Variants in PPARA observed in about 807,000 individuals in gnomAD.
PPARA encodes the protein peroxisome proliferator activated receptor alpha, also known as peroxisome proliferator-activated receptor alpha.
In PPARA, 22 loss-of-function variants were observed where a neutral mutation model predicts 42.2. The observed-to-expected ratio is 0.52, with a 90% CI of 0.37 to 0.74. The LOEUF is 0.74. Among genes scored for constraint, PPARA ranks in the 30% least tolerant of loss-of-function variants. PPARA has a pLI of 0.00. For missense variants in PPARA, 465 were observed against 608.2 expected, an observed-to-expected ratio of 0.76 and a Z score of 2.48; for synonymous variants, 242 against 239.3, an observed-to-expected ratio of 1.01 and a Z score of -0.10.
In PPARA at chr22:46,242,773, C is replaced by A. The variant is rs73177043; in HGVS notation, c.*7393C>A. On this transcript the variant is annotated 3_prime_UTR_variant, in exon 9 of 9. Coordinates refer to ENST00000407236, the MANE Select transcript of PPARA (RefSeq NM_005036.6). The surrounding 1 kb of genome is among the most constrained non-coding windows in gnomAD (Gnocchi z 6.1). ...CACACACACACACAGCTCTTCATTT[C>A]TCCTGAGCCATGCAGAATTTACTTT... 7,903 of 151,884 alleles carry A rather than the reference C, an allele frequency of 0.052. 270 individuals carry two copies. Among genetic ancestry groups the A allele is most frequent in the Middle Eastern group, 0.078 (23 of 296 alleles). 9.4% of individuals were successfully genotyped at this position (151,884 alleles called of 1,614,324 possible).
intron 2 of PPARA, chr22:46,164,067 A>C (rs1926649615): frequency 6.6e-6 from 1 of 151,880 alleles, no homozygotes; most frequent in Non-Finnish European, 1.5e-5. Context: ...ACTACAAAAA[A>C]AATTACCTGG....
At chr22:46,213,564 T>C (rs1934145225) in intron 4 of PPARA, among the ~76,000 whole-genome samples, 1 of 150,876 alleles carries the variant, frequency 6.6e-6, no homozygotes, top group African/African-American at 2.4e-5. Flanking sequence ...CGCACCACCA[T>C]GGCAAGCTAA....
intron 5 of PPARA, among the ~76,000 whole-genome samples, chr22:46,217,823 T>C (rs569794135): frequency 1.6e-3 from 125 of 80,594 alleles, no homozygotes; most frequent in African/African-American, 4.7e-3. Flanking sequence ...TTCTTTCTTT[T>C]TTTTTTTTTT....
rs1254522628 is a variant in PPARA, at chr22:46,150,795, G to A, written c.-210+143G>A. On this transcript the variant is annotated intron_variant, in intron 1 of 8. Transcript: ENST00000407236. This position sits in a 1 kb window ranked among gnomAD's most constrained non-coding sequence, Gnocchi z 7.5. Reference sequence around the variant, plus strand: ...GCATGCGCGGGGCCCGGGGTCTCGGGGTCTCCGGGTCCCGGGGACCCGGGG... The same window carrying A: ...GCATGCGCGGGGCCCGGGGTCTCGGAGTCTCCGGGTCCCGGGGACCCGGGG... 13 of 151,364 alleles carry A rather than the reference G, an allele frequency of 8.6e-5. No homozygotes were observed. The South Asian group carries it at 2.1e-3, about 24-fold the overall frequency. 9.4% of individuals were successfully genotyped at this position (151,364 alleles called of 1,614,324 possible). A position where few individuals can be genotyped will look rare whatever the true frequency, so the allele number is the denominator to read the frequency against.
Position 46,242,463 on chromosome 22 carries a change from A to G in PPARA, c.*7083A>G, listed in dbSNP as rs1157907218. On this transcript the variant is annotated 3_prime_UTR_variant, in exon 9 of 9. Transcript: ENST00000407236. The surrounding 1 kb of genome is among the most constrained non-coding windows in gnomAD (Gnocchi z 6.1). The stretch of plus-strand genomic sequence containing the variant: ...TCTTTTTGGTAAAGTTACAGTGTTC[A>G]TGTTAAATATCACTTTTTTCTACAT... 6.6e-6 allele frequency: 1 copy of G among 152,660 alleles called. No homozygotes were observed. The highest frequency in any genetic ancestry group is 1.5e-5 in the Non-Finnish European group (1 of 68,040). The allele number at this position is 152,660 out of a possible 1,614,324, so 9.5% of individuals were successfully genotyped here.
rs368424684 is a variant in PPARA, at chr22:46,197,135, C to T, written c.-42-1207C>T. Reference sequence around the variant, plus strand: ...CACCATCTCGGCTCACTGCAACCTCCACCTCCCAGGTTCAAGTGATTCTCC... The same window carrying T: ...CACCATCTCGGCTCACTGCAACCTCTACCTCCCAGGTTCAAGTGATTCTCC... On this transcript the variant is annotated intron_variant, in intron 3 of 8. Coordinates refer to ENST00000407236, the MANE Select transcript of PPARA (RefSeq NM_005036.6). Among the ~76,000 whole-genome samples the T allele has an allele frequency of 3.3e-5, 5 of 151,972 alleles. No individual in the cohort carries two copies. The East Asian group carries it at 7.8e-4, about 24-fold the overall frequency.
rs1308721011 is a variant in PPARA, at chr22:46,165,981, A to G, written c.-126-10772A>G. Among the ~76,000 whole-genome samples the G allele has an allele frequency of 6.6e-6, 1 of 152,110 alleles. No individual in the cohort carries two copies. Among genetic ancestry groups the G allele is most frequent in the Non-Finnish European group, 1.5e-5 (1 of 68,028 alleles). ...GGAGTTGGAGACCGGCCTGGGCAAC[A>G]TAGAACCCCATCTCTATTTTTAAAA... On this transcript the variant is annotated intron_variant, in intron 2 of 8. Transcript: ENST00000407236. The surrounding 1 kb of genome is among the most constrained non-coding windows in gnomAD (Gnocchi z 5.5).
rs761617074 is a variant in PPARA at position 46,235,443 on chromosome 22, C to A, written c.*63C>A. 2.5e-6 allele frequency: 4 copies of A among 1,592,222 alleles called. No homozygotes were observed. Among genetic ancestry groups the A allele is most frequent in the Non-Finnish European group, 3.4e-6 (4 of 1,170,100 alleles). On this transcript the variant is annotated 3_prime_UTR_variant, in exon 9 of 9. Transcript: ENST00000407236. This position sits in a 1 kb window ranked among gnomAD's most constrained non-coding sequence, Gnocchi z 7.0. ...GAAGCTGACAGCACTACAAAGGAGA[C>A]GGGGGAGCAGCACGATTTTGCACAA...
At chr22:46,201,925 C>G (rs1480808601) in intron 4 of PPARA, among the ~76,000 whole-genome samples, 1 of 151,908 alleles carries the variant, frequency 6.6e-6, no homozygotes, top group African/African-American at 2.4e-5. Flanking sequence ...TCTTTTTTGC[C>G]TTTCTTTTTT....
In PPARA at chr22:46,219,496, C is replaced by T. The variant is rs1434188012; in HGVS notation, c.509-316C>T. On this transcript the variant is annotated intron_variant, in intron 6 of 8. Transcript: ENST00000407236. The surrounding 1 kb of genome is among the most constrained non-coding windows in gnomAD (Gnocchi z 4.8). ...CTCATCCCGAAGCCCCGTTCACCTCCTTCACTCAAAGGTTGATGATGCACC... is the reference window on the plus strand; with the variant it reads ...CTCATCCCGAAGCCCCGTTCACCTCTTTCACTCAAAGGTTGATGATGCACC... Among the ~76,000 whole-genome samples, 6 of 152,224 alleles carry T rather than the reference C, an allele frequency of 3.9e-5. No homozygotes were observed. The highest frequency in any genetic ancestry group is 7.3e-5 in the Non-Finnish European group (5 of 68,038).
In PPARA at chr22:46,196,818, G is replaced by T. The variant is rs1031368957; in HGVS notation, c.-42-1524G>T. On this transcript the variant is annotated intron_variant, in intron 3 of 8. Transcript: ENST00000407236. This position sits in a 1 kb window ranked among gnomAD's most constrained non-coding sequence, Gnocchi z 5.6. ...GCTCACCGCAACCTCCGCCTCCCAT[G>T]TTCAAGCGGTTCTCCTGCCTCAACC... is the stretch of plus-strand genomic sequence containing the variant. Among the ~76,000 whole-genome samples, 1 of 152,202 alleles carries T rather than the reference G, an allele frequency of 6.6e-6. No homozygotes were observed. The highest frequency in any genetic ancestry group is 1.5e-5 in the Non-Finnish European group (1 of 68,044).
chr22:46,184,920 C>T lies in PPARA; in HGVS notation c.-43+8084C>T, dbSNP rs1443735656. 6.6e-6 allele frequency among the ~76,000 whole-genome samples: 1 copy of T among 152,188 alleles called. No homozygotes were observed. The highest frequency in any genetic ancestry group is 6.5e-5 in the Admixed American group (1 of 15,282). ...ACGTGTTTTTCCCTCTCAGAAAGCT[C>T]GTAGGGTCTTCTCTTTGTCTCCAGC... is the stretch of plus-strand genomic sequence containing the variant. On this transcript the variant is annotated intron_variant, in intron 3 of 8. Transcript: ENST00000407236. The surrounding 1 kb of genome is among the most constrained non-coding windows in gnomAD (Gnocchi z 4.4).
intron 4 of PPARA, among the ~76,000 whole-genome samples, chr22:46,205,859 A>T (rs931854869): frequency 1.3e-5 from 2 of 151,794 alleles, no homozygotes; most frequent in African/African-American, 4.8e-5. Context: ...TCCGTGGTAA[A>T]ATTATTTGTT....
At chr22:46,207,678 T>TTATTA (rs1491388169) in intron 4 of PPARA, among the ~76,000 whole-genome samples, 1 of 63,858 alleles carries the variant, frequency 1.6e-5, no homozygotes, top group Non-Finnish European at 3.0e-5. Context: ...ATTATTATTA[T>TTATTA]TTTTTTTTTT....
At chr22:46,201,402 C>T (rs1932831299) in intron 4 of PPARA, among the ~76,000 whole-genome samples, 1 of 152,172 alleles carries the variant, frequency 6.6e-6, no homozygotes, top group Non-Finnish European at 1.5e-5. Flanking sequence ...TTTTGACTCC[C>T]TTTCTCCTGG....
chr22:46,169,645 A>G (rs1277899923), intron 2 of PPARA, among the ~76,000 whole-genome samples: 2 of 152,032 alleles, frequency 1.3e-5, no homozygotes, highest in Non-Finnish European at 2.9e-5. Context: ...TCTCTAAATA[A>G]GAAAGTTTAT....
Position 46,242,731 on chromosome 22 carries a change from GCACACACACACACACACA to G in PPARA, c.*7364_*7381del, listed in dbSNP as rs3840962. ...AAATACACTGCGTACACGTGTGCGTGCACACACACACACACACACACACACACACAGCTCTTCATTTCT... is the reference window on the plus strand; with the variant it reads ...AAATACACTGCGTACACGTGTGCGTGCACACACACACAGCTCTTCATTTCT... On this transcript the variant is annotated 3_prime_UTR_variant, in exon 9 of 9. Transcript: ENST00000407236. The surrounding 1 kb of genome is among the most constrained non-coding windows in gnomAD (Gnocchi z 6.1). 1 of 132,700 alleles carries G rather than the reference GCACACACACACACACACA, an allele frequency of 7.5e-6. No individual in the cohort carries two copies. The highest frequency in any genetic ancestry group is 1.8e-5 in the Non-Finnish European group (1 of 56,080). 8.2% of individuals were successfully genotyped at this position (132,700 alleles called of 1,614,324 possible). A position where few individuals can be genotyped will look rare whatever the true frequency, so the allele number is the denominator to read the frequency against.
intron 3 of PPARA, among the ~76,000 whole-genome samples, chr22:46,185,707 C>T (rs1484569850): frequency 2.7e-5 from 4 of 150,130 alleles, no homozygotes; most frequent in African/African-American, 9.8e-5. Context: ...CCAGCCTGGC[C>T]AACATGGTGA....
At chr22:46,185,291 T>C (rs1231671120) in intron 3 of PPARA, among the ~76,000 whole-genome samples, 1 of 152,222 alleles carries the variant, frequency 6.6e-6, no homozygotes, top group Non-Finnish European at 1.5e-5. Flanking sequence ...GAAAAGTTCT[T>C]ATTCTCTGAA....
Sources: allele counts gnomAD v4.1 joint callset (sites outside exome capture counted in the v4.1 genomes callset), GRCh38; gene constraint gnomAD v4.1.1; non-coding constraint Gnocchi (gnomAD v3.1); transcripts MANE v1.5; gene names NCBI Gene and HGNC (gene_info 2026-07-23, HGNC 2026-07-21).